Variants in SLIT3 observed in about 807,000 individuals in gnomAD.
The protein encoded by SLIT3 is slit homolog 3 protein.
In SLIT3, 68 loss-of-function variants were observed where a neutral mutation model predicts 184.0. That is an observed-to-expected ratio of 0.37 (90% CI 0.30 to 0.45). SLIT3 has a LOEUF of 0.45. Among genes scored for constraint, SLIT3 ranks in the 20% least tolerant of loss-of-function variants. SLIT3 has a pLI of 1.00. For missense variants in SLIT3, 1,707 were observed against 2,026.0 expected, an observed-to-expected ratio of 0.84 and a Z score of 3.02; for synonymous variants, 831 against 828.6, an observed-to-expected ratio of 1.00 and a Z score of -0.05.
At chr5:168,772,407 C>G (rs1755587502) in intron 14 of SLIT3, 2 of 254,072 alleles carry the variant, frequency 7.9e-6, no homozygotes, top group Non-Finnish European at 1.5e-5. Context: ...TCTCTACTTG[C>G]CCTTTGGGGA....
At chr5:168,768,436 C>G (rs1391978001) in intron 14 of SLIT3, among the ~76,000 whole-genome samples, 1 of 151,800 alleles carries the variant, frequency 6.6e-6, no homozygotes, top group Non-Finnish European at 1.5e-5. Context: ...CAGGGAGACA[C>G]AGTAGGAAGG....
intron 4 of SLIT3, among the ~76,000 whole-genome samples, chr5:169,121,973 T>C (rs775465504): frequency 6.6e-6 from 1 of 152,246 alleles, no homozygotes; most frequent in Admixed American, 6.5e-5. Context: ...TAAGCTGCCC[T>C]GGGACACTCA....
At chr5:168,892,877 C>T (rs941696845) in intron 4 of SLIT3, among the ~76,000 whole-genome samples, 1 of 152,210 alleles carries the variant, frequency 6.6e-6, no homozygotes, top group African/African-American at 2.4e-5. Flanking sequence ...AGCGACAAGG[C>T]AGTTAGTTAC....
chr5:168,838,695 T>C (rs1177158463), intron 6 of SLIT3, among the ~76,000 whole-genome samples: 1 of 152,136 alleles, frequency 6.6e-6, no homozygotes, highest in Non-Finnish European at 1.5e-5. Flanking sequence ...CACCCTGACC[T>C]AGGTTTCAGG....
intron 4 of SLIT3, among the ~76,000 whole-genome samples, chr5:169,189,113 C>T (rs1464524125): frequency 6.6e-6 from 1 of 152,118 alleles, no homozygotes; most frequent in Non-Finnish European, 1.5e-5. Context: ...GATTCTATAG[C>T]TCATGTTCTG....
At position 169,141,279 on chromosome 5, in the gene SLIT3, G is replaced by A. The variant is rs187089944; in HGVS notation, c.413+52200C>T. ...ACCCCACAAATAAACAAAAACAAAA[G>A]GAAACTTAAAGCAAATCCACTGCAA... is the stretch of plus-strand genomic sequence containing the variant. On this transcript the variant is annotated intron_variant, in intron 4 of 35. Transcript: ENST00000519560. Among the ~76,000 whole-genome samples, 3 of 152,088 alleles carry A rather than the reference G, an allele frequency of 2.0e-5. No individual in the cohort carries two copies. In the South Asian group the frequency reaches 6.2e-4, roughly 31 times the overall value.
At chr5:168,916,346 G>A (rs925065576) in intron 4 of SLIT3, among the ~76,000 whole-genome samples, 17 of 152,338 alleles carry the variant, frequency 1.1e-4, no homozygotes, top group Admixed American at 7.8e-4. Flanking sequence ...CCTCTGGAGG[G>A]AAGGCCTGGG....
chr5:168,667,546 T>G (rs796468330), intron 35 of SLIT3: 30 of 152,372 alleles, frequency 2.0e-4, no homozygotes, highest in African/African-American at 6.7e-4. Flanking sequence ...TTAAACACTC[T>G]GGACCCTGAC....
intron 5 of SLIT3, among the ~76,000 whole-genome samples, chr5:168,854,981 A>C (rs1758810184): frequency 6.6e-6 from 1 of 152,234 alleles, no homozygotes; most frequent in Non-Finnish European, 1.5e-5. Flanking sequence ...GCTAATACAC[A>C]GCATGGAAAT....
chr5:168,986,905 G>A (rs528528542), intron 4 of SLIT3, among the ~76,000 whole-genome samples: 6 of 152,224 alleles, frequency 3.9e-5, no homozygotes, highest in East Asian at 1.9e-4. Context: ...ATATTTAGCC[G>A]GGCGTGGTGG....
chr5:169,004,151 T>G (rs995356202), intron 4 of SLIT3, among the ~76,000 whole-genome samples: 12 of 151,810 alleles, frequency 7.9e-5, no homozygotes, highest in African/African-American at 2.9e-4. Flanking sequence ...AGCCCACGAC[T>G]GTTTTGGGAA....
chr5:169,187,652 T>C (rs1357424405), intron 4 of SLIT3, among the ~76,000 whole-genome samples: 1 of 150,576 alleles, frequency 6.6e-6, no homozygotes, highest in Non-Finnish European at 1.5e-5. Context: ...CCTCCTGGGA[T>C]CAGTGATTTT....
At chr5:168,703,831 G>C (rs1463142429) in intron 26 of SLIT3, among the ~76,000 whole-genome samples, 1 of 151,070 alleles carries the variant, frequency 6.6e-6, no homozygotes, top group African/African-American at 2.4e-5. Context: ...GGGCATCCCA[G>C]CTACTCAGGA....
intron 10 of SLIT3, among the ~76,000 whole-genome samples, chr5:168,794,264 A>G (rs2113600025): frequency 6.6e-6 from 1 of 152,230 alleles, no homozygotes; most frequent in South Asian, 2.1e-4. Flanking sequence ...GGGGATGTGA[A>G]AAGAGTAAGT....
intron 3 of SLIT3, among the ~76,000 whole-genome samples, chr5:169,219,536 C>G (rs1245012680): frequency 6.6e-6 from 1 of 152,214 alleles, no homozygotes; most frequent in Non-Finnish European, 1.5e-5. Flanking sequence ...CAACACCTAC[C>G]TGCTATCTGT....
At chr5:169,251,850 GT>G (rs1765785498) in intron 1 of SLIT3, among the ~76,000 whole-genome samples, 1 of 152,128 alleles carries the variant, frequency 6.6e-6, no homozygotes, top group African/African-American at 2.4e-5. Context: ...CACAGCAAAT[GT>G]TTCAGAAATG....
chr5:169,268,852 T>C (rs1450963913), intron 1 of SLIT3, among the ~76,000 whole-genome samples: 1 of 152,230 alleles, frequency 6.6e-6, no homozygotes, highest in Admixed American at 6.5e-5. Context: ...TTCCCACGTA[T>C]TGATTTATCA....
intron 4 of SLIT3, among the ~76,000 whole-genome samples, chr5:169,106,416 C>T (rs971351537): frequency 3.9e-5 from 6 of 152,136 alleles, no homozygotes; most frequent in Admixed American, 2.0e-4. Flanking sequence ...TGAGGGAACT[C>T]AATGGACATT....
intron 4 of SLIT3, among the ~76,000 whole-genome samples, chr5:169,091,549 T>C (rs1373964584): frequency 6.6e-6 from 1 of 152,252 alleles, no homozygotes; most frequent in Non-Finnish European, 1.5e-5. Context: ...AGCATTTTTC[T>C]GAGTAGTTAA....
Sources: gnomAD v4.1 joint callset for allele counts (sites outside exome capture counted in the v4.1 genomes callset) on GRCh38, gnomAD v4.1.1 for gene constraint, MANE v1.5 for transcripts, NCBI Gene and HGNC (gene_info 2026-07-23, HGNC 2026-07-21) for gene names.